Variants in SEZ6L observed in about 807,000 individuals in gnomAD.
The protein encoded by SEZ6L is seizure related 6 homolog like, also known as seizure 6-like protein.
SEZ6L carries 37 observed loss-of-function variants against 106.2 expected under a neutral mutation model. The observed-to-expected ratio is 0.35, with a 90% CI of 0.27 to 0.46. The LOEUF (loss-of-function observed/expected upper bound fraction) is 0.46, where lower values mean the gene tolerates loss of function less well. Among genes scored for constraint, SEZ6L ranks in the 20% least tolerant of loss-of-function variants. The pLI is 1.00. For synonymous variants in SEZ6L, 541 were observed against 570.4 expected, an observed-to-expected ratio of 0.95 and a Z score of 0.73; for missense variants, 1,172 against 1,332.8, an observed-to-expected ratio of 0.88 and a Z score of 1.88.
At chr22:26,220,156 G>A (rs1482398031) in intron 1 of SEZ6L, among the ~76,000 whole-genome samples, 2 of 152,094 alleles carry the variant, frequency 1.3e-5, no homozygotes, top group Admixed American at 6.5e-5. Flanking sequence ...CCAGGCAAGC[G>A]GCTCCACCTT....
intron 1 of SEZ6L, 49 bp from the exon 2 acceptor site, chr22:26,292,357 A>G: frequency 6.9e-7 from 1 of 1,450,448 alleles, no homozygotes; most frequent in South Asian, 1.3e-5. Flanking sequence ...CAGCAGGTGA[A>G]GGTCCTAAAT....
intron 1 of SEZ6L, among the ~76,000 whole-genome samples, chr22:26,209,972 AG>A (rs1189162760): frequency 6.7e-6 from 1 of 150,080 alleles, no homozygotes; most frequent in Non-Finnish European, 1.5e-5. Flanking sequence ...GGAGAGAGGG[AG>A]GGAGGAAGGA....
chr22:26,321,047 A>G (rs375619441), intron 9 of SEZ6L, among the ~76,000 whole-genome samples: 2 of 152,246 alleles, frequency 1.3e-5, no homozygotes, highest in African/African-American at 2.4e-5. Flanking sequence ...TGTTCCAGCC[A>G]AAAGGAACAG....
rs1336336100 is a variant in SEZ6L at position 26,247,537 on chromosome 22, G to A, written c.95-44869G>A. On this transcript the variant is annotated intron_variant, in intron 1 of 16. Coordinates refer to ENST00000248933, the MANE Select transcript of SEZ6L (RefSeq NM_021115.5). Reference sequence around the variant, plus strand: ...TGCCATGTGATGATGGGGGCAGGTAGGAGAGTGATGCAACTGCAAGCCGAG... The same window carrying A: ...TGCCATGTGATGATGGGGGCAGGTAAGAGAGTGATGCAACTGCAAGCCGAG... 2.0e-5 allele frequency among the ~76,000 whole-genome samples: 3 copies of A among 152,120 alleles called. No individual in the cohort carries two copies. In the East Asian group the frequency reaches 5.8e-4, roughly 29 times the overall value.
chr22:26,320,372 G>A (rs541080291), intron 9 of SEZ6L, among the ~76,000 whole-genome samples: 3 of 152,306 alleles, frequency 2.0e-5, no homozygotes, highest in African/African-American at 7.2e-5. Flanking sequence ...ATAAGGGGGG[G>A]CATCGCCCTC....
Position 26,213,993 on chromosome 22 carries a change from G to A in SEZ6L, c.94+44230G>A, listed in dbSNP as rs1435494029. The stretch of plus-strand genomic sequence containing the variant: ...GCCCACAGGACAAGCCCAACATTGT[G>A]CAAGGCACAGGGCAGTACAAGGACT... On this transcript the variant is annotated intron_variant, in intron 1 of 16. Transcript: ENST00000248933. Among the ~76,000 whole-genome samples, 3 of 152,378 alleles carry A rather than the reference G, an allele frequency of 2.0e-5. No homozygotes were observed. In the East Asian group the frequency reaches 5.8e-4, roughly 29 times the overall value.
intron 1 of SEZ6L, among the ~76,000 whole-genome samples, chr22:26,192,435 A>C (rs567216107): frequency 1.3e-5 from 2 of 152,316 alleles, no homozygotes; most frequent in Admixed American, 1.3e-4. Context: ...AACTCTCTCA[A>C]TTTACATATA....
chr22:26,294,962 G>T (rs867059182), intron 3 of SEZ6L, among the ~76,000 whole-genome samples: 17 of 137,070 alleles, frequency 1.2e-4, no homozygotes, highest in East Asian at 9.3e-4. Context: ...TTTCTTTCTT[G>T]CTTGCTTGCT....
intron 1 of SEZ6L, among the ~76,000 whole-genome samples, chr22:26,185,081 C>G (rs937182748): frequency 1.3e-5 from 2 of 152,112 alleles, no homozygotes; most frequent in African/African-American, 4.8e-5. Flanking sequence ...AAGACTCTGT[C>G]CAAACAAAAC....
chr22:26,194,351 A>G (rs11912579), intron 1 of SEZ6L, among the ~76,000 whole-genome samples: 6,423 of 152,252 alleles, frequency 0.042, 455 homozygotes, highest in African/African-American at 0.15. Context: ...AGACAATGGT[A>G]TTGTCTAGCA....
intron 12 of SEZ6L, among the ~76,000 whole-genome samples, chr22:26,358,985 A>G (rs1411363060): frequency 5.3e-5 from 8 of 152,186 alleles, no homozygotes; most frequent in African/African-American, 1.7e-4. Context: ...AAGTGTGACT[A>G]CATGTCACTG....
chr22:26,185,846 A>T lies in SEZ6L; in HGVS notation c.94+16083A>T, dbSNP rs193124221. Among the ~76,000 whole-genome samples, 5 of 152,248 alleles carry T rather than the reference A, an allele frequency of 3.3e-5. No homozygotes were observed. In the East Asian group the frequency reaches 7.7e-4, roughly 24 times the overall value. Reference sequence around the variant, plus strand: ...GATCACACAGCTAGTAAGATCCTGCATGCATATCTGTGTCTATGTGACTTT... The same window carrying T: ...GATCACACAGCTAGTAAGATCCTGCTTGCATATCTGTGTCTATGTGACTTT... On this transcript the variant is annotated intron_variant, in intron 1 of 16. Transcript: ENST00000248933.
intron 1 of SEZ6L, among the ~76,000 whole-genome samples, chr22:26,231,423 C>T (rs1447393719): frequency 6.6e-6 from 1 of 152,168 alleles, no homozygotes; most frequent in African/African-American, 2.4e-5. Context: ...CTGAGCCCTG[C>T]CTCCAGTGTC....
At chr22:26,247,242 G>A (rs140136350) in intron 1 of SEZ6L, among the ~76,000 whole-genome samples, 23 of 152,174 alleles carry the variant, frequency 1.5e-4, no homozygotes, top group African/African-American at 5.3e-4. Context: ...CATGGACTTG[G>A]GCTTCACGGA....
At chr22:26,215,616 G>C (rs1196206992) in intron 1 of SEZ6L, among the ~76,000 whole-genome samples, 1 of 152,140 alleles carries the variant, frequency 6.6e-6, no homozygotes, top group Non-Finnish European at 1.5e-5. Context: ...GCCTAGCTGT[G>C]AGAGGTAAAG....
At chr22:26,326,557 C>T (rs2082310809) in intron 9 of SEZ6L, among the ~76,000 whole-genome samples, 1 of 152,174 alleles carries the variant, frequency 6.6e-6, no homozygotes, top group South Asian at 2.1e-4. Flanking sequence ...GATTTGTTCT[C>T]CATGTAATAG....
At chr22:26,358,569 C>T (rs1329512622) in intron 12 of SEZ6L, among the ~76,000 whole-genome samples, 1 of 152,124 alleles carries the variant, frequency 6.6e-6, no homozygotes, top group Non-Finnish European at 1.5e-5. Flanking sequence ...TGTACATTTT[C>T]TTCTATTGTT....
chr22:26,214,139 C>T (rs560835999), intron 1 of SEZ6L, among the ~76,000 whole-genome samples: 2 of 152,320 alleles, frequency 1.3e-5, no homozygotes, highest in South Asian at 2.1e-4. Context: ...GATCAGTGAC[C>T]TTCTTGAGTA....
chr22:26,360,914 A>G (rs1240984645), intron 12 of SEZ6L, among the ~76,000 whole-genome samples: 1 of 152,124 alleles, frequency 6.6e-6, no homozygotes, highest in African/African-American at 2.4e-5. Flanking sequence ...AACAAAAACA[A>G]AAAAAACACG....
Sources: gnomAD v4.1 joint callset for allele counts (sites outside exome capture counted in the v4.1 genomes callset) on GRCh38, gnomAD v4.1.1 for gene constraint, MANE v1.5 for transcripts, NCBI Gene and HGNC (gene_info 2026-07-23, HGNC 2026-07-21) for gene names.